ZSCAN5C: variants seen among roughly 807,000 people sequenced by gnomAD.
The protein encoded by ZSCAN5C is zinc finger and SCAN domain containing 5C.
A neutral mutation model predicts 17.3 loss-of-function variants in ZSCAN5C; 11 were observed. The ratio of observed to expected loss-of-function variants is 0.64; its 90% CI spans 0.40 to 1.06. ZSCAN5C has a LOEUF of 1.06. Among genes scored for constraint, ZSCAN5C ranks in the 50% least tolerant of loss-of-function variants. The pLI is 0.00. For missense variants in ZSCAN5C, 698 were observed against 538.9 expected, an observed-to-expected ratio of 1.30 and a Z score of -2.92; for synonymous variants, 229 against 208.4, an observed-to-expected ratio of 1.10 and a Z score of -0.85.
chr19:56,203,894 C>G (rs907711981), intron 1 of ZSCAN5C, among the ~76,000 whole-genome samples: 2 of 151,812 alleles, frequency 1.3e-5, no homozygotes, highest in Non-Finnish European at 2.9e-5. Flanking sequence ...GGTGATCCGC[C>G]CATCTCAGCC....
intron 1 of ZSCAN5C, among the ~76,000 whole-genome samples, chr19:56,205,537 G>A (rs1265019482): frequency 2.6e-5 from 4 of 151,854 alleles, no homozygotes; most frequent in Admixed American, 1.3e-4. Context: ...GTTGTTCGAT[G>A]GGCAGGAAAA....
At chr19:56,203,956 A>G (rs2032896353) in intron 1 of ZSCAN5C, among the ~76,000 whole-genome samples, 1 of 151,858 alleles carries the variant, frequency 6.6e-6, no homozygotes, top group Non-Finnish European at 1.5e-5. Context: ...GCCTGAGTCC[A>G]CTAGGTTTTT....
At chr19:56,205,885 G>T in exon 2 of ZSCAN5C, 1 of 945,120 alleles carries the variant, frequency 1.1e-6, no homozygotes. Flanking sequence ...AGCTTTCCCA[G>T]AGACAGATTG....
chr19:56,208,786 G>C (rs1014260062), exon 5 of ZSCAN5C: 32 of 1,586,134 alleles, frequency 2.0e-5, no homozygotes, highest in Non-Finnish European at 2.5e-5. Context: ...TTGCATGTGA[G>C]GTGTGCGGCA....
At chr19:56,203,911 C>A (rs143635991) in intron 1 of ZSCAN5C, among the ~76,000 whole-genome samples, 2,777 of 151,840 alleles carry the variant, frequency 0.018, 128 homozygotes, top group African/African-American at 0.063. Context: ...AGCCGTCCAA[C>A]GTGCTGGGAT....
chr19:56,208,485 A>G (rs1419595921), exon 5 of ZSCAN5C: 2 of 1,513,202 alleles, frequency 1.3e-6, no homozygotes, highest in Middle Eastern at 1.7e-4. Context: ...AAGGAACCCC[A>G]AAAAAGAGCC....
chr19:56,205,985 G>A, exon 2 of ZSCAN5C: 1 of 1,580,474 alleles, frequency 6.3e-7, no homozygotes, highest in Non-Finnish European at 8.7e-7. Flanking sequence ...AGCCACCACA[G>A]TCCATGCCAT....
intron 1 of ZSCAN5C, among the ~76,000 whole-genome samples, chr19:56,203,897 T>C (rs2032895618): frequency 6.6e-6 from 1 of 151,772 alleles, no homozygotes; most frequent in African/African-American, 2.4e-5. Context: ...GATCCGCCCA[T>C]CTCAGCCGTC....
At position 56,208,472 on chromosome 19, in the gene ZSCAN5C, G is replaced by A. The variant is rs1267395913; in HGVS notation, c.763G>A (p.Gly255Arg). The A allele has an allele frequency of 3.5e-6, 5 of 1,435,330 alleles. No homozygotes were observed. The Admixed American group carries it at 5.1e-5, about 15-fold the overall frequency. 88.9% of individuals were successfully genotyped at this position (1,435,330 alleles called of 1,614,324 possible). Residue 255 changes from glycine (G) to arginine (R), a missense_variant, in exon 5 of 5, where the codon GGG becomes AGG. This residue lies in a region of ZSCAN5C where 554 missense variants were observed against 390.5 expected (regional missense o/e 1.42). Coordinates refer to ENST00000534327, the Ensembl canonical transcript of ZSCAN5C. Reference sequence around the variant, plus strand: ...AGCAGGGGTGGTGGGAGCAAAGGAGGGGAAGGAACCCCAAAAAAGAGCCTC... The same window carrying A: ...AGCAGGGGTGGTGGGAGCAAAGGAGAGGAAGGAACCCCAAAAAAGAGCCTC...
intron 1 of ZSCAN5C, among the ~76,000 whole-genome samples, chr19:56,204,729 C>G (rs1360313277): frequency 6.6e-6 from 1 of 151,872 alleles, no homozygotes; most frequent in South Asian, 2.1e-4. Flanking sequence ...GTGTGGGGCA[C>G]TCGCCCTCCA....
chr19:56,205,370 G>A (rs561026522), intron 1 of ZSCAN5C, among the ~76,000 whole-genome samples: 8 of 151,974 alleles, frequency 5.3e-5, no homozygotes, highest in South Asian at 2.1e-4. Flanking sequence ...AATATCTTAC[G>A]TTGTAACTAT....
rs561918277 is a variant in ZSCAN5C, at chr19:56,209,040, A to G, written c.1331A>G (p.Asp444Gly). The G allele has an allele frequency of 2.5e-5, 40 of 1,611,732 alleles. 2 individuals are homozygous for G. In the African/African-American group the frequency reaches 4.5e-4, roughly 18 times the overall value. ...GGGGAGAAGCCCTTCGAATGTAAAGACTGCAAGAAAGTTTTCACCTACAAG... is the reference window on the plus strand; with the variant it reads ...GGGGAGAAGCCCTTCGAATGTAAAGGCTGCAAGAAAGTTTTCACCTACAAG... Residue 444 changes from aspartate to glycine, a missense_variant, in exon 5 of 5, where the codon GAC becomes GGC. By Grantham distance (94) the Asp-to-Gly change is moderately conservative. This residue lies in a region of ZSCAN5C where 554 missense variants were observed against 390.5 expected (regional missense o/e 1.42). Coordinates refer to ENST00000534327, the Ensembl canonical transcript of ZSCAN5C.
Position 56,202,878 on chromosome 19 carries a change from G to A in ZSCAN5C, c.-128+556G>A, listed in dbSNP as rs886728123. The stretch of plus-strand genomic sequence containing the variant: ...CACACACCACTTGTTAAAAAGCATC[G>A]CTGGATTCTCCCTTTCCACAGGGTA... On this transcript the variant is annotated intron_variant, in intron 1 of 4. Transcript: ENST00000534327. 2.0e-5 allele frequency among the ~76,000 whole-genome samples: 3 copies of A among 151,912 alleles called. 1 individual carries two copies. Among genetic ancestry groups the A allele is most frequent in the African/African-American group, 7.3e-5 (3 of 41,186 alleles).
intron 4 of ZSCAN5C, 110 bp downstream of exon 4, chr19:56,208,294 C>G: frequency 1.5e-6 from 1 of 670,554 alleles, no homozygotes; most frequent in Admixed American, 2.6e-5. Flanking sequence ...GCTGCCAAAG[C>G]CTCTCCATCC....
chr19:56,203,942 C>T lies in ZSCAN5C; in HGVS notation c.-128+1620C>T, dbSNP rs189410899. ...GGGATTACAGGCGTGAGCCACCACA[C>T]TCAGCCTGAGTCCACTAGGTTTTTA... On this transcript the variant is annotated intron_variant, in intron 1 of 4. Transcript: ENST00000534327. Among the ~76,000 whole-genome samples the T allele has an allele frequency of 8.6e-4, 130 of 152,044 alleles. 1 individual carries two copies. Among genetic ancestry groups the T allele is most frequent in the Admixed American group, 7.0e-3 (107 of 15,294 alleles).
intron 2 of ZSCAN5C, among the ~76,000 whole-genome samples, chr19:56,206,549 C>A (rs865774799): frequency 2.0e-4 from 30 of 151,732 alleles, no homozygotes; most frequent in Non-Finnish European, 3.4e-4. Context: ...TTCCAGATTC[C>A]AATATCAGCT....
At chr19:56,204,916 T>C (rs1325800497) in intron 1 of ZSCAN5C, among the ~76,000 whole-genome samples, 1 of 151,974 alleles carries the variant, frequency 6.6e-6, no homozygotes, top group Non-Finnish European at 1.5e-5. Context: ...CTAATGAAGC[T>C]AGGTTTAGGA....
intron 2 of ZSCAN5C, among the ~76,000 whole-genome samples, chr19:56,206,809 A>G (rs1478664329): frequency 1.8e-5 from 2 of 110,888 alleles, no homozygotes; most frequent in African/African-American, 6.0e-5. Context: ...CCATCAGCCA[A>G]TTGAGTTGGA....
chr19:56,208,453 G>T (rs1865101), exon 5 of ZSCAN5C: 778,404 of 1,304,374 alleles, frequency 0.6, 235,169 homozygotes, highest in Admixed American at 0.75. Flanking sequence ...TTCCAGCAGG[G>T]GTGGTGGGAG....
Sources: gnomAD v4.1 joint callset for allele counts (sites outside exome capture counted in the v4.1 genomes callset) on GRCh38, gnomAD v4.1.1 for gene constraint, gnomAD v4.1.1 regional missense constraint, MANE v1.5 for transcripts, NCBI Gene and HGNC (gene_info 2026-07-23, HGNC 2026-07-21) for gene names.